Variants in CERS6 observed in about 807,000 individuals in gnomAD.
The protein encoded by CERS6 is ceramide synthase 6, also known as LAG1 homolog, ceramide synthase 6.
CERS6 carries 26 observed loss-of-function variants against 56.8 expected under a neutral mutation model. That is an observed-to-expected ratio of 0.46 (90% confidence interval 0.34 to 0.63). The LOEUF (loss-of-function observed/expected upper bound fraction) is 0.63, where lower values mean the gene tolerates loss of function less well. Ranked by LOEUF, CERS6 falls within the 30% of genes least tolerant of loss-of-function variation. The pLI, the probability that CERS6 is intolerant of heterozygous loss-of-function variation, is 0.01. For missense variants in CERS6, 415 were observed against 467.5 expected (o/e 0.89, Z 1.04); for synonymous variants, 164 against 173.3 (o/e 0.95, Z 0.42).
chr2:168,644,800 A>G (rs1029097821), intron 4 of CERS6, among the ~76,000 whole-genome samples: 16 of 151,980 alleles, frequency 1.1e-4, no homozygotes, highest in South Asian at 2.1e-4. Context: ...AACGTATTAA[A>G]AGTAACTTCT....
At chr2:168,535,388 A>C (rs1360997627) in intron 1 of CERS6, among the ~76,000 whole-genome samples, 1 of 152,120 alleles carries the variant, frequency 6.6e-6, no homozygotes, top group Non-Finnish European at 1.5e-5. Context: ...TCCGTGGAAA[A>C]GGCACGGATT....
chr2:168,711,657 C>G (rs968204350), intron 6 of CERS6, among the ~76,000 whole-genome samples: 8 of 149,664 alleles, frequency 5.3e-5, no homozygotes, highest in African/African-American at 1.7e-4. Flanking sequence ...TGGCTTGAAC[C>G]CAGGAGACGG....
At chr2:168,615,939 C>T (rs1224732757) in intron 3 of CERS6, among the ~76,000 whole-genome samples, 3 of 152,066 alleles carry the variant, frequency 2.0e-5, no homozygotes, top group South Asian at 2.1e-4. Flanking sequence ...AAAGTTAAGA[C>T]GAGGGAAAGA....
chr2:168,651,541 G>A (rs897485410), intron 4 of CERS6, among the ~76,000 whole-genome samples: 1 of 152,200 alleles, frequency 6.6e-6, no homozygotes, highest in Non-Finnish European at 1.5e-5. Flanking sequence ...CCACATGGAT[G>A]AGGAGGCCTC....
At chr2:168,498,939 G>T (rs565203132) in intron 1 of CERS6, among the ~76,000 whole-genome samples, 2 of 152,286 alleles carry the variant, frequency 1.3e-5, no homozygotes, top group African/African-American at 2.4e-5. Context: ...TTATGACCGT[G>T]AACTTAGTTT....
At chr2:168,474,502 T>C (rs1341022721) in intron 1 of CERS6, among the ~76,000 whole-genome samples, 4 of 152,196 alleles carry the variant, frequency 2.6e-5, no homozygotes, top group Non-Finnish European at 5.9e-5. Context: ...CCATGACTTA[T>C]CCTGCAGCAA....
chr2:168,670,973 C>CCCCG (rs1553506522), intron 4 of CERS6, among the ~76,000 whole-genome samples: 4 of 65,848 alleles, frequency 6.1e-5, no homozygotes, highest in Admixed American at 1.2e-4. Context: ...GCTTCCCCCC[C>CCCCG]CCCCCCCAGA....
intron 1 of CERS6, among the ~76,000 whole-genome samples, chr2:168,530,274 G>C (rs1695142735): frequency 6.6e-6 from 1 of 152,204 alleles, no homozygotes; most frequent in Admixed American, 6.5e-5. Flanking sequence ...TTCTGTGAGG[G>C]TGCAGTTATA....
At chr2:168,633,003 G>A (rs1445618981) in intron 4 of CERS6, among the ~76,000 whole-genome samples, 1 of 152,084 alleles carries the variant, frequency 6.6e-6, no homozygotes, top group Admixed American at 6.6e-5. Flanking sequence ...TAAACAAATG[G>A]AATGGAATGA....
intron 8 of CERS6, among the ~76,000 whole-genome samples, chr2:168,762,623 C>A (rs1329274653): frequency 6.6e-6 from 1 of 152,132 alleles, no homozygotes; most frequent in Non-Finnish European, 1.5e-5. Flanking sequence ...ATATTTTCCC[C>A]CTTCCCCAGA....
intron 1 of CERS6, among the ~76,000 whole-genome samples, chr2:168,473,260 T>C (rs951076743): frequency 6.6e-6 from 1 of 152,156 alleles, no homozygotes; most frequent in Non-Finnish European, 1.5e-5. Context: ...CATGTTTGTT[T>C]AAGTTTTTTC....
At chr2:168,487,313 C>T (rs557248687) in intron 1 of CERS6, among the ~76,000 whole-genome samples, 1 of 152,264 alleles carries the variant, frequency 6.6e-6, no homozygotes, top group South Asian at 2.1e-4. Context: ...TGATGAATTT[C>T]CATTGTAGAA....
Position 168,456,429 on chromosome 2 carries a change from A to G in CERS6, c.-20A>G. ...CTTGGCGGGCTGCGGGTGCCGCAGG[A>G]CAGGAGTGGACAAAGCAAGATGGCA... On this transcript the variant is annotated 5_prime_UTR_variant, in exon 1 of 10. Transcript: ENST00000305747. This position sits in a 1 kb window ranked among gnomAD's most constrained non-coding sequence, Gnocchi z 4.1. 5 of 1,600,194 alleles carry G rather than the reference A, an allele frequency of 3.1e-6. No individual in the cohort carries two copies. Among genetic ancestry groups the G allele is most frequent in the Non-Finnish European group, 4.3e-6 (5 of 1,172,832 alleles).
At chr2:168,594,643 C>G (rs549330460) in intron 3 of CERS6, among the ~76,000 whole-genome samples, 1 of 152,244 alleles carries the variant, frequency 6.6e-6, no homozygotes, top group African/African-American at 2.4e-5. Flanking sequence ...CAAGCATTGT[C>G]TAGTCTCTGG....
intron 8 of CERS6, among the ~76,000 whole-genome samples, chr2:168,719,074 T>A (rs930664388): frequency 2.0e-5 from 3 of 152,220 alleles, no homozygotes; most frequent in Admixed American, 1.3e-4. Flanking sequence ...AAAATTCCAA[T>A]GAGCTGCCAT....
At chr2:168,623,045 CAT>C (rs756853962) in intron 3 of CERS6, among the ~76,000 whole-genome samples, 10 of 152,280 alleles carry the variant, frequency 6.6e-5, no homozygotes, top group Non-Finnish European at 1.2e-4. Context: ...AGTTGATGAA[CAT>C]CTCCATTGAA....
At position 168,611,587 on chromosome 2, in the gene CERS6, T is replaced by C. The variant is rs186874090; in HGVS notation, c.408-19398T>C. 5.7e-3 allele frequency among the ~76,000 whole-genome samples: 867 copies of C among 152,368 alleles called. 9 individuals are homozygous for C. Among genetic ancestry groups the C allele is most frequent in the African/African-American group, 0.018 (768 of 41,590 alleles). ...GTCGATTTATCCGTGTATCATGTCT[T>C]ATTTATAACACCACATTGCCATGGA... On this transcript the variant is annotated intron_variant, in intron 3 of 9. Transcript: ENST00000305747.
intron 3 of CERS6, among the ~76,000 whole-genome samples, chr2:168,619,273 A>G (rs1684403313): frequency 6.6e-6 from 1 of 152,178 alleles, no homozygotes; most frequent in African/African-American, 2.4e-5. Flanking sequence ...ATAACATTGG[A>G]AAAACCCTTC....
chr2:168,682,153 A>T (rs1686233282), intron 4 of CERS6, among the ~76,000 whole-genome samples: 1 of 152,154 alleles, frequency 6.6e-6, no homozygotes, highest in Admixed American at 6.5e-5. Flanking sequence ...GGGTTGCTGG[A>T]TCATATGGTA....
Sources: allele counts gnomAD v4.1 joint callset (sites outside exome capture counted in the v4.1 genomes callset), GRCh38; gene constraint gnomAD v4.1.1; non-coding constraint Gnocchi (gnomAD v3.1); transcripts MANE v1.5; gene names NCBI Gene and HGNC (gene_info 2026-07-23, HGNC 2026-07-21).